Variants in HACL1 observed in about 807,000 individuals in gnomAD.
HACL1 encodes the protein 2-hydroxyacyl-CoA lyase 1, also known as 1600020H07Rik.
Under a neutral mutation model 74.2 loss-of-function variants are expected in HACL1, and 64 were observed. The observed-to-expected ratio is 0.86, with a 90% CI of 0.70 to 1.06. HACL1 has a LOEUF of 1.06. HACL1 is among the 50% of genes least tolerant of loss of function. HACL1 has a pLI of 0.00. For missense variants in HACL1, 728 were observed against 719.7 expected, an observed-to-expected ratio of 1.01 and a Z score of -0.13; for synonymous variants, 230 against 238.8, an observed-to-expected ratio of 0.96 and a Z score of 0.34.
chr3:15,566,689 T>C (rs972941534), intron 14 of HACL1, among the ~76,000 whole-genome samples: 5 of 151,720 alleles, frequency 3.3e-5, no homozygotes, highest in African/African-American at 1.2e-4. Context: ...ACCTCATTTG[T>C]TTTTCATAAT....
chr3:15,564,533 T>C lies in HACL1; in HGVS notation c.1517+18A>G, dbSNP rs1212794386. On this transcript the variant is annotated intron_variant, in intron 15 of 16. Coordinates refer to ENST00000321169, the MANE Select transcript of HACL1 (RefSeq NM_012260.4). ...ACGGGAAAGAGAAAGTAAACAGACA[T>C]TGGTCTTGGTTACTTACACTGCAGT... 5 of 1,010,088 alleles carry C rather than the reference T, an allele frequency of 5.0e-6. No individual in the cohort carries two copies. Among genetic ancestry groups the C allele is most frequent in the East Asian group, 2.4e-5 (1 of 41,062 alleles). The allele number at this position is 1,010,088 out of a possible 1,614,324, so 62.6% of individuals were successfully genotyped here.
At chr3:15,571,820 C>CTTTTCTTTTTTTTTTTTTTT (rs2063536411) in intron 11 of HACL1, 51 bp from the exon 12 acceptor site, 1 of 305,462 alleles carries the variant, frequency 3.3e-6, no homozygotes, top group Non-Finnish European at 5.6e-6. Flanking sequence ...TTTTCTTTGC[C>CTTTTCTTTTTTTTTTTTTTT]TTTTTTTTCT....
chr3:15,574,203 T>C (rs1418529405), intron 10 of HACL1, among the ~76,000 whole-genome samples: 1 of 152,126 alleles, frequency 6.6e-6, no homozygotes, highest in Non-Finnish European at 1.5e-5. Flanking sequence ...ACTTTGTCTT[T>C]ACAAAAAAAT....
chr3:15,579,685 G>C (rs1326401107), intron 9 of HACL1, among the ~76,000 whole-genome samples: 1 of 152,030 alleles, frequency 6.6e-6, no homozygotes, highest in African/African-American at 2.4e-5. Flanking sequence ...AAAATCTTGG[G>C]AACAGCCATG....
At chr3:15,574,420 C>A (rs376427471) in intron 10 of HACL1, among the ~76,000 whole-genome samples, 2 of 151,876 alleles carry the variant, frequency 1.3e-5, no homozygotes, top group African/African-American at 4.8e-5. Context: ...CCGTGTAGGG[C>A]AAAAAGGTTT....
chr3:15,581,844 T>C (rs1366014079), intron 8 of HACL1, among the ~76,000 whole-genome samples: 1 of 152,248 alleles, frequency 6.6e-6, no homozygotes, highest in Non-Finnish European at 1.5e-5. Flanking sequence ...AATCCCTGCC[T>C]TATCATAAGC....
intron 12 of HACL1, among the ~76,000 whole-genome samples, chr3:15,570,966 C>A (rs952599379): frequency 2.0e-5 from 3 of 150,464 alleles, no homozygotes; most frequent in South Asian, 4.2e-4. Context: ...AAAAAAAAAA[C>A]CACTTAATAG....
In HACL1 at chr3:15,591,694, A is replaced by G. The variant is rs761495379; in HGVS notation, c.228-14T>C. The G allele has an allele frequency of 1.3e-6, 2 of 1,574,962 alleles. No homozygotes were observed. Among genetic ancestry groups the G allele is most frequent in the South Asian group, 2.2e-5 (2 of 89,318 alleles). On this transcript the variant is annotated splice_polypyrimidine_tract_variant and intron_variant, in intron 3 of 16. Coordinates refer to ENST00000321169, the MANE Select transcript of HACL1 (RefSeq NM_012260.4). The stretch of plus-strand genomic sequence containing the variant: ...CAGACTCCTGGCCTAAAAGCAAAAC[A>G]GAATTTATTAAAATCAGGTCAAATG...
At chr3:15,592,461 TAC>T (rs2063946867) in intron 3 of HACL1, among the ~76,000 whole-genome samples, 1 of 97,636 alleles carries the variant, frequency 1.0e-5, no homozygotes, top group Non-Finnish European at 2.0e-5. Context: ...CACACACGTA[TAC>T]ATACACACAC....
intron 11 of HACL1, among the ~76,000 whole-genome samples, chr3:15,572,028 C>T (rs896207972): frequency 1.1e-4 from 17 of 151,382 alleles, no homozygotes; most frequent in African/African-American, 3.9e-4. Context: ...TTAGTAGAGA[C>T]GAAGTTTCAC....
At chr3:15,600,623 C>G (rs1480745229) in intron 2 of HACL1, among the ~76,000 whole-genome samples, 3 of 152,240 alleles carry the variant, frequency 2.0e-5, no homozygotes, top group African/African-American at 7.2e-5. Flanking sequence ...AATCATACAA[C>G]AAAGCCTTGG....
In HACL1 at chr3:15,591,651, GGGCCA is replaced by G. The variant is rs1322559111; in HGVS notation, c.252_256del (p.Gly85ArgfsTer27). 1 of 1,612,082 alleles carries G rather than the reference GGGCCA, an allele frequency of 6.2e-7. No homozygotes were observed. Among genetic ancestry groups the G allele is most frequent in the Non-Finnish European group, 8.5e-7 (1 of 1,178,428 alleles). The stretch of plus-strand genomic sequence containing the variant: ...ACCGCCCAAGGCATGGATGAGACCT[GGGCCA>G]GAAACAACAAGGCAGACTCCTGGCC... On this transcript the variant is annotated frameshift_variant, in exon 4 of 17. Coordinates refer to ENST00000321169, the MANE Select transcript of HACL1 (RefSeq NM_012260.4). LOFTEE classifies it high-confidence loss of function.
Position 15,591,684 on chromosome 3 carries a change from A to G in HACL1, c.228-4T>C, listed in dbSNP as rs2063897823. The G allele has an allele frequency of 6.3e-7, 1 of 1,597,720 alleles. No individual in the cohort carries two copies. The highest frequency in any genetic ancestry group is 1.3e-5 in the African/African-American group (1 of 74,590). ...AACAACAAGGCAGACTCCTGGCCTA[A>G]AAGCAAAACAGAATTTATTAAAATC... is the stretch of plus-strand genomic sequence containing the variant. On this transcript the variant is annotated splice_region_variant and splice_polypyrimidine_tract_variant and intron_variant, in intron 3 of 16. Transcript: ENST00000321169.
At chr3:15,592,112 CACACTATATACGTATACATACGT>C (rs2063921872) in intron 3 of HACL1, among the ~76,000 whole-genome samples, 5 of 138,258 alleles carry the variant, frequency 3.6e-5, no homozygotes, top group African/African-American at 1.5e-4. Flanking sequence ...CGTATATATA[CACACTATATACGTATACATACGT>C]GTATATATGT....
At chr3:15,567,325 T>C (rs528178373) in intron 14 of HACL1, among the ~76,000 whole-genome samples, 83 of 151,680 alleles carry the variant, frequency 5.5e-4, no homozygotes, top group South Asian at 1.5e-3. Context: ...CTCTTCTGCT[T>C]CAGCCTCCCG....
intron 11 of HACL1, among the ~76,000 whole-genome samples, chr3:15,572,117 G>A (rs1559550320): frequency 6.6e-6 from 1 of 151,996 alleles, no homozygotes; most frequent in African/African-American, 2.4e-5. Flanking sequence ...TGGGATTATA[G>A]GGATGAGCCA....
At chr3:15,561,059 A>G (rs2125218173) in intron 16 of HACL1, among the ~76,000 whole-genome samples, 162 bp from the exon 17 acceptor site, 2 of 152,336 alleles carry the variant, frequency 1.3e-5, no homozygotes, top group Middle Eastern at 6.8e-3. Flanking sequence ...CTAAAAACCT[A>G]TTAGTGAATC....
intron 14 of HACL1, among the ~76,000 whole-genome samples, chr3:15,566,734 C>CT (rs142435306): frequency 0.3 from 40,321 of 136,620 alleles, 8,628 homozygotes; most frequent in African/African-American, 0.59. Context: ...ACTATTCCTA[C>CT]TTTTTTTTTT....
At chr3:15,565,313 C>G (rs939736628) in intron 14 of HACL1, among the ~76,000 whole-genome samples, 1 of 152,150 alleles carries the variant, frequency 6.6e-6, no homozygotes, top group East Asian at 1.9e-4. Context: ...AGTACCACTT[C>G]TAGTTGGTTC....
Sources: allele counts gnomAD v4.1 joint callset (sites outside exome capture counted in the v4.1 genomes callset), GRCh38; gene constraint gnomAD v4.1.1; transcripts MANE v1.5; gene names NCBI Gene and HGNC (gene_info 2026-07-23, HGNC 2026-07-21).